Variants in SLC37A3 observed in about 807,000 individuals in gnomAD.
SLC37A3 encodes the protein solute carrier family 37 member 3, also known as sugar phosphate exchanger 3.
In SLC37A3, 51 loss-of-function variants were observed where a neutral mutation model predicts 67.1. The observed-to-expected ratio is 0.76, with a 90% CI of 0.61 to 0.96. The LOEUF is 0.96. Among genes scored for constraint, SLC37A3 ranks in the 40% least tolerant of loss-of-function variants. The pLI is 0.00. For synonymous variants in SLC37A3, 214 were observed against 231.4 expected, an observed-to-expected ratio of 0.92 and a Z score of 0.68; for missense variants, 508 against 603.0, an observed-to-expected ratio of 0.84 and a Z score of 1.65.
At chr7:140,356,452 T>TG (rs1408942932) in intron 6 of SLC37A3, among the ~76,000 whole-genome samples, 1 of 151,678 alleles carries the variant, frequency 6.6e-6, no homozygotes, top group African/African-American at 2.4e-5. Context: ...AGGCCTGAGG[T>TG]GGGCAGGTCA....
chr7:140,345,787 C>G (rs1585259587), intron 11 of SLC37A3, 82 bp downstream of exon 11: 1 of 1,113,470 alleles, frequency 9.0e-7, no homozygotes, highest in East Asian at 2.4e-5. Context: ...CTCCCCAGCA[C>G]TGGTCACTGA....
chr7:140,378,661 C>T (rs890824348), intron 3 of SLC37A3, among the ~76,000 whole-genome samples: 1 of 150,678 alleles, frequency 6.6e-6, no homozygotes, highest in Non-Finnish European at 1.5e-5. Context: ...CGCTTGAACC[C>T]GGGAGGCGGA....
chr7:140,363,888 A>G (rs940182517), intron 5 of SLC37A3, among the ~76,000 whole-genome samples: 6 of 152,086 alleles, frequency 3.9e-5, no homozygotes, highest in Non-Finnish European at 8.8e-5. Flanking sequence ...ATGCCAGGCC[A>G]TTTATTCAGA....
intron 13 of SLC37A3, among the ~76,000 whole-genome samples, chr7:140,342,311 C>T (rs1488984915): frequency 6.6e-6 from 1 of 152,150 alleles, no homozygotes; most frequent in Admixed American, 6.5e-5. Context: ...TATTAATGAC[C>T]TCCTAGATGT....
chr7:140,382,374 T>C (rs1281786545), intron 2 of SLC37A3, 64 bp downstream of exon 2: 4 of 1,366,840 alleles, frequency 2.9e-6, no homozygotes, highest in East Asian at 2.3e-5. Flanking sequence ...ACACTTGCCA[T>C]GCAATATCTC....
intron 13 of SLC37A3, among the ~76,000 whole-genome samples, chr7:140,338,325 C>T (rs1796222939): frequency 6.6e-6 from 1 of 152,242 alleles, no homozygotes. Flanking sequence ...AACTGCCCAT[C>T]TCCCCAGCCC....
chr7:140,340,278 G>A (rs1261621946), intron 13 of SLC37A3, among the ~76,000 whole-genome samples: 1 of 150,146 alleles, frequency 6.7e-6, no homozygotes, highest in African/African-American at 2.4e-5. Context: ...GGTAAGGTTA[G>A]GGTCCAACCT....
Position 140,369,612 on chromosome 7 carries a change from A to C in SLC37A3, c.269T>G (p.Ile90Ser), listed in dbSNP as rs758157571. 9 of 1,614,044 alleles carry C rather than the reference A, an allele frequency of 5.6e-6. No individual in the cohort carries two copies. The highest frequency in any genetic ancestry group is 7.6e-6 in the Non-Finnish European group (9 of 1,179,982). Residue 90 changes from isoleucine to serine, a missense_variant, in exon 4 of 15, where the codon ATT (isoleucine) becomes AGT (serine). Ile to Ser is a moderately radical substitution (Grantham distance 142). Transcript: ENST00000326232. ...ATLFLGTLDT[I>S]FLFSYAVGLF... ...TACCACAGCATAGGAGAAGAGGAAAATGGTATCCAGTGTGCCGAGGAAAAG... is the reference window on the plus strand; with the variant it reads ...TACCACAGCATAGGAGAAGAGGAAACTGGTATCCAGTGTGCCGAGGAAAAG...
At chr7:140,347,436 T>C (rs6959565) in intron 10 of SLC37A3, among the ~76,000 whole-genome samples, 25,502 of 152,046 alleles carry the variant, frequency 0.17, 2,533 homozygotes, top group African/African-American at 0.28. Flanking sequence ...CCTTATCAGA[T>C]AGCAGGCAGC....
chr7:140,387,043 C>T (rs1292503349), intron 1 of SLC37A3: 2 of 152,122 alleles, frequency 1.3e-5, no homozygotes, highest in African/African-American at 4.8e-5. Context: ...AATATGTGCA[C>T]ATTGTGGAAT....
rs1563014050 is a variant in SLC37A3 at position 140,348,774 on chromosome 7, G to T, written c.883-7C>A. ...AGGCGTAGGCCAGTGAGTACTACAAGAAAAGCATTCAACTATCAGCGAGGG... is the reference window on the plus strand; with the variant it reads ...AGGCGTAGGCCAGTGAGTACTACAATAAAAGCATTCAACTATCAGCGAGGG... On this transcript the variant is annotated splice_region_variant and splice_polypyrimidine_tract_variant and intron_variant, in intron 9 of 14. Coordinates refer to ENST00000326232, the MANE Select transcript of SLC37A3 (RefSeq NM_207113.3). 1 of 1,613,392 alleles carries T rather than the reference G, an allele frequency of 6.2e-7. No homozygotes were observed. Among genetic ancestry groups the T allele is most frequent in the Non-Finnish European group, 8.5e-7 (1 of 1,179,856 alleles).
chr7:140,350,492 C>T (rs1183980353), intron 9 of SLC37A3, among the ~76,000 whole-genome samples: 3 of 151,800 alleles, frequency 2.0e-5, no homozygotes, highest in African/African-American at 4.8e-5. Context: ...AAGCCAGGCG[C>T]GGTGGCTCAC....
chr7:140,356,072 T>A (rs1447857147), intron 6 of SLC37A3, among the ~76,000 whole-genome samples: 1 of 151,526 alleles, frequency 6.6e-6, no homozygotes, highest in Non-Finnish European at 1.5e-5. Flanking sequence ...CAGGCGCCTG[T>A]AATCCCAGCT....
At chr7:140,367,724 CCAGA>C (rs544236680) in intron 4 of SLC37A3, among the ~76,000 whole-genome samples, 2 of 152,226 alleles carry the variant, frequency 1.3e-5, no homozygotes, top group South Asian at 2.1e-4. Flanking sequence ...GTTCCTACAG[CCAGA>C]CAGAGACGCC....
chr7:140,387,653 T>C (rs1364879390), intron 1 of SLC37A3, among the ~76,000 whole-genome samples: 15 of 116,930 alleles, frequency 1.3e-4, no homozygotes, highest in Non-Finnish European at 2.2e-4. Flanking sequence ...ATATATATAT[T>C]ATATAAATAT....
chr7:140,334,610 G>T lies in SLC37A3; in HGVS notation c.*802C>A, dbSNP rs751415172. On this transcript the variant is annotated 3_prime_UTR_variant, in exon 15 of 15. Transcript: ENST00000326232. The stretch of plus-strand genomic sequence containing the variant: ...TGCTTCGGCTGTGAGTTACACGTCG[G>T]AATGTTCAAGATAAATGATGTACCT... The T allele has an allele frequency of 1.3e-5, 2 of 152,690 alleles. No individual in the cohort carries two copies. The highest frequency in any genetic ancestry group is 2.9e-5 in the Non-Finnish European group (2 of 68,112). The allele number at this position is 152,690 out of a possible 1,614,324, so 9.5% of individuals were successfully genotyped here.
intron 5 of SLC37A3, 57 bp from the exon 6 acceptor site, chr7:140,358,842 A>G (rs762107777): frequency 1.1e-4 from 181 of 1,594,784 alleles, no homozygotes; most frequent in Admixed American, 3.5e-4. Context: ...CTTTCAGTGG[A>G]CGCCACTCTA....
chr7:140,384,159 A>C (rs932214395), intron 1 of SLC37A3, among the ~76,000 whole-genome samples: 3 of 152,238 alleles, frequency 2.0e-5, no homozygotes, highest in Non-Finnish European at 2.9e-5. Context: ...TGAATGGCTG[A>C]ATCATTTATA....
In SLC37A3 at chr7:140,389,157, G is replaced by C. The variant is rs571927049; in HGVS notation, c.-70-6561C>G. 5.9e-5 allele frequency among the ~76,000 whole-genome samples: 9 copies of C among 152,222 alleles called. 1 individual carries two copies. Among genetic ancestry groups the C allele is most frequent in the African/African-American group, 2.2e-4 (9 of 41,538 alleles). On this transcript the variant is annotated intron_variant, in intron 1 of 14. Transcript: ENST00000326232. ...TGATAACAGACCCCCTTCTTGCCTG[G>C]GGTCCAGTCTGCCTCTGCAGGACTA...
Sources: allele counts gnomAD v4.1 joint callset (sites outside exome capture counted in the v4.1 genomes callset), GRCh38; gene constraint gnomAD v4.1.1; transcripts MANE v1.5; gene names NCBI Gene and HGNC (gene_info 2026-07-23, HGNC 2026-07-21).